Variants in VPS13A observed in about 807,000 individuals in gnomAD.
VPS13A encodes the protein intermembrane lipid transfer protein VPS13A.
Under a neutral mutation model 390.9 loss-of-function variants are expected in VPS13A, and 264 were observed. That is an observed-to-expected ratio of 0.68 (90% CI 0.61 to 0.75). The LOEUF (loss-of-function observed/expected upper bound fraction) is 0.75. VPS13A is among the 30% of genes least tolerant of loss of function. VPS13A has a pLI of 0.00. For missense variants in VPS13A, 3,409 were observed against 3,733.9 expected, an observed-to-expected ratio of 0.91 and a Z score of 2.27; for synonymous variants, 1,231 against 1,227.1, an observed-to-expected ratio of 1.00 and a Z score of -0.07.
At chr9:77,283,150 A>G (rs1053951827) in intron 29 of VPS13A, among the ~76,000 whole-genome samples, 2 of 151,884 alleles carry the variant, frequency 1.3e-5, no homozygotes, top group Non-Finnish European at 2.9e-5. Context: ...AGTGTTGTCT[A>G]TTTGCTTTTG....
At chr9:77,381,483 T>C (rs1833432390) in intron 67 of VPS13A, among the ~76,000 whole-genome samples, 1 of 152,110 alleles carries the variant, frequency 6.6e-6, no homozygotes, top group African/African-American at 2.4e-5. Flanking sequence ...AAATTCTTAT[T>C]TAAAATTCAT....
At position 77,295,866 on chromosome 9, in the gene VPS13A, A is replaced by G. The variant is rs1363149815; in HGVS notation, c.3812+20A>G. The G allele has an allele frequency of 6.2e-7, 1 of 1,611,026 alleles. No homozygotes were observed. The highest frequency in any genetic ancestry group is 2.2e-5 in the East Asian group (1 of 44,836). ...ATACAGGTAAGCTTTTCACAAGTAT[A>G]TTTGTGTGGAATGCAATATTTTTCT... On this transcript the variant is annotated intron_variant, in intron 33 of 71. Transcript: ENST00000360280.
Position 77,416,164 on chromosome 9 carries a change from A to T in VPS13A, c.*158A>T. 1.2e-6 allele frequency: 1 copy of T among 840,910 alleles called. No individual in the cohort carries two copies. The highest frequency in any genetic ancestry group is 1.9e-6 in the Non-Finnish European group (1 of 525,340). 52.1% of individuals were successfully genotyped at this position (840,910 alleles called of 1,614,324 possible). ...CAAACAAAAAAACAAAAACAAAAAA[A>T]CAAAACCAGAATCAGGTAAAACAGC... On this transcript the variant is annotated 3_prime_UTR_variant, in exon 72 of 72. Transcript: ENST00000360280.
intron 23 of VPS13A, among the ~76,000 whole-genome samples, chr9:77,271,716 A>G (rs899522223): frequency 6.6e-6 from 1 of 151,786 alleles, no homozygotes; most frequent in African/African-American, 2.4e-5. Flanking sequence ...AGGGAATAGA[A>G]CGCAGGATTA....
chr9:77,246,094 T>G (rs200464178), intron 19 of VPS13A, among the ~76,000 whole-genome samples: 1 of 152,224 alleles, frequency 6.6e-6, no homozygotes, highest in South Asian at 2.1e-4. Flanking sequence ...CAGGTCTTAT[T>G]AGGGTCCCAC....
intron 20 of VPS13A, among the ~76,000 whole-genome samples, chr9:77,249,811 CTT>C (rs879458330): frequency 6.6e-6 from 1 of 152,142 alleles, no homozygotes; most frequent in Non-Finnish European, 1.5e-5. Context: ...CAGAAGGCCT[CTT>C]ATCACATTTA....
chr9:77,233,551 C>T (rs1823962771), intron 17 of VPS13A, among the ~76,000 whole-genome samples: 1 of 151,804 alleles, frequency 6.6e-6, no homozygotes, highest in Non-Finnish European at 1.5e-5. Flanking sequence ...ACAAAAATTT[C>T]CCTGTGAGAA....
intron 17 of VPS13A, among the ~76,000 whole-genome samples, chr9:77,235,991 C>T (rs887893888): frequency 6.6e-6 from 1 of 152,140 alleles, no homozygotes; most frequent in Non-Finnish European, 1.5e-5. Context: ...AGCTATTTAA[C>T]ATTTTATTGT....
At chr9:77,328,817 G>A (rs1338088350) in intron 45 of VPS13A, among the ~76,000 whole-genome samples, 1 of 152,088 alleles carries the variant, frequency 6.6e-6, no homozygotes, top group Non-Finnish European at 1.5e-5. Context: ...TCCTGTATTA[G>A]GCCGTTTTCA....
intron 5 of VPS13A, among the ~76,000 whole-genome samples, chr9:77,207,237 A>ACACG (rs765104096): frequency 1.3e-5 from 1 of 79,536 alleles, no homozygotes; most frequent in Admixed American, 1.9e-4. Context: ...ATATATATAT[A>ACACG]TATATATATA....
chr9:77,357,316 CAAAAAAAA>C (rs1156801817), intron 55 of VPS13A, among the ~76,000 whole-genome samples: 14 of 44,604 alleles, frequency 3.1e-4, no homozygotes, highest in South Asian at 6.2e-4. Flanking sequence ...GACTCTGTCT[CAAAAAAAA>C]AAAAAAAAAA....
chr9:77,353,338 TA>T, intron 53 of VPS13A, 70 bp from the exon 54 acceptor site: 1 of 1,232,200 alleles, frequency 8.1e-7, no homozygotes, highest in Non-Finnish European at 1.2e-6. Context: ...ATGTGAAATC[TA>T]AATTTCATGT....
At chr9:77,179,478 C>T (rs1447672154) in intron 1 of VPS13A, among the ~76,000 whole-genome samples, 1 of 152,190 alleles carries the variant, frequency 6.6e-6, no homozygotes, top group Non-Finnish European at 1.5e-5. Flanking sequence ...ATCCGCCTGC[C>T]TCTGCCTCCC....
At position 77,210,179 on chromosome 9, in the gene VPS13A, CTCTCTT is replaced by C. The variant is rs1234499459; in HGVS notation, c.496-425_496-420del. ...CACCTCCCTCTCTCTCTCTCTCTCTCTCTCTTTCTCTTTCTCTCTTTCTTTCTCTTC... is the reference window on the plus strand; with the variant it reads ...CACCTCCCTCTCTCTCTCTCTCTCTCTCTCTTTCTCTCTTTCTTTCTCTTC... On this transcript the variant is annotated intron_variant, in intron 6 of 71. Coordinates refer to ENST00000360280, the MANE Select transcript of VPS13A (RefSeq NM_033305.3). Among the ~76,000 whole-genome samples, 340 of 133,828 alleles carry C rather than the reference CTCTCTT, an allele frequency of 2.5e-3. 1 individual carries two copies. The highest frequency in any genetic ancestry group is 4.5e-3 in the Non-Finnish European group (284 of 62,784). 87.8% of individuals were successfully genotyped at this position (133,828 alleles called of 152,430 possible). A position where few individuals can be genotyped will look rare whatever the true frequency, so the allele number is the denominator to read the frequency against.
At chr9:77,316,885 C>T (rs993239046) in intron 39 of VPS13A, among the ~76,000 whole-genome samples, 2 of 152,016 alleles carry the variant, frequency 1.3e-5, no homozygotes, top group African/African-American at 4.8e-5. Flanking sequence ...ATATTTTACT[C>T]TCTAGTAACC....
At chr9:77,364,535 T>A (rs56044239) in intron 59 of VPS13A, among the ~76,000 whole-genome samples, 14,895 of 152,086 alleles carry the variant, frequency 0.098, 817 homozygotes, top group South Asian at 0.14. Flanking sequence ...GGATGAGAAA[T>A]GCTGACGTCC....
chr9:77,351,502 G>A, intron 53 of VPS13A, 56 bp downstream of exon 53: 1 of 1,594,676 alleles, frequency 6.3e-7, no homozygotes, highest in South Asian at 1.1e-5. Flanking sequence ...AAGGTATTTG[G>A]GCCGGGTGCG....
At chr9:77,249,195 G>A (rs916767760) in intron 20 of VPS13A, among the ~76,000 whole-genome samples, 2 of 152,250 alleles carry the variant, frequency 1.3e-5, no homozygotes, top group East Asian at 1.9e-4. Flanking sequence ...ACAAAAATAC[G>A]TGCCTGTCCT....
intron 17 of VPS13A, among the ~76,000 whole-genome samples, chr9:77,234,001 T>G (rs932249584): frequency 1.3e-5 from 2 of 152,160 alleles, no homozygotes; most frequent in African/African-American, 4.8e-5. Flanking sequence ...TTTCTAAGTG[T>G]TATTGTGAGC....
Sources: gnomAD v4.1 joint callset for allele counts (sites outside exome capture counted in the v4.1 genomes callset) on GRCh38, gnomAD v4.1.1 for gene constraint, MANE v1.5 for transcripts, NCBI Gene and HGNC (gene_info 2026-07-23, HGNC 2026-07-21) for gene names.